The following LEPROTL1 variants were observed in gnomAD, a reference collection of about 807,000 sequenced individuals.
LEPROTL1 encodes leptin receptor overlapping transcript-like 1.
Under a neutral mutation model 15.4 loss-of-function variants are expected in LEPROTL1, and 6 were observed. That is an observed-to-expected ratio of 0.39 (90% CI 0.21 to 0.77). The LOEUF (loss-of-function observed/expected upper bound fraction) is 0.77. Ranked by LOEUF, LEPROTL1 falls within the 30% of genes least tolerant of loss-of-function variation. LEPROTL1 has a pLI of 0.41. For missense variants in LEPROTL1, 128 were observed against 158.1 expected (o/e 0.81, Z 1.02); for synonymous variants, 56 against 52.6 (o/e 1.06, Z -0.28).
At chr8:30,132,625 C>T in intron 4 of LEPROTL1, 8 of 1,551,796 alleles carry the variant, frequency 5.2e-6, no homozygotes, top group Non-Finnish European at 7.0e-6. Flanking sequence ...AATCTGCAGA[C>T]CCCTCCAGCT....
At chr8:30,125,405 T>C (rs1186422041) in intron 3 of LEPROTL1, among the ~76,000 whole-genome samples, 3 of 152,188 alleles carry the variant, frequency 2.0e-5, no homozygotes, top group African/African-American at 7.2e-5. Context: ...CACAAAAATA[T>C]CACTTTGTTC....
chr8:30,102,116 C>T, intron 2 of LEPROTL1, 143 bp downstream of exon 2: 1 of 559,574 alleles, frequency 1.8e-6, no homozygotes, highest in Non-Finnish European at 3.1e-6. Flanking sequence ...AAAATCACCA[C>T]TTAAAGTTTG....
At chr8:30,112,401 A>ATTTTTTT (rs10684450), downstream of LEPROTL1, among the ~76,000 whole-genome samples, 3,437 of 27,812 alleles carry the variant, frequency 0.12, 717 homozygotes, top group Non-Finnish European at 0.17. Context: ...TGCCCAGCTA[A>ATTTTTTT]TTTTTTTTTT....
chr8:30,130,589 C>A (rs2117527923), intron 3 of LEPROTL1, among the ~76,000 whole-genome samples: 1 of 152,126 alleles, frequency 6.6e-6, no homozygotes, highest in South Asian at 2.1e-4. Context: ...TCAAACCCAC[C>A]CTCAAAGTCA....
chr8:30,127,112 G>A (rs1802915878), intron 3 of LEPROTL1, among the ~76,000 whole-genome samples: 2 of 152,096 alleles, frequency 1.3e-5, no homozygotes, highest in Non-Finnish European at 2.9e-5. Flanking sequence ...CCTAGGTGAT[G>A]ATGCCATTTC....
intron 3 of LEPROTL1, among the ~76,000 whole-genome samples, chr8:30,116,546 T>C (rs935806681): frequency 1.3e-5 from 2 of 152,004 alleles, no homozygotes; most frequent in Non-Finnish European, 2.9e-5. Context: ...GGAGCTCAGG[T>C]AGTAATGCTC....
At chr8:30,113,733 G>A (rs921765328) in intron 3 of LEPROTL1, among the ~76,000 whole-genome samples, 47 of 152,238 alleles carry the variant, frequency 3.1e-4, no homozygotes, top group African/African-American at 9.9e-4. Flanking sequence ...GTTTTCATCC[G>A]TAATGCTGGG....
intron 3 of LEPROTL1, chr8:30,117,887 A>G: frequency 3.7e-6 from 2 of 542,592 alleles, no homozygotes; most frequent in East Asian, 2.9e-5. Context: ...CTGTGACTGT[A>G]TTAGGTGGTT....
chr8:30,133,291 C>G lies in LEPROTL1; in HGVS notation c.394+802C>G, dbSNP rs556112834. ...ACCCCAAACTTTTAAGAATAGTTAC[C>G]TCTAGGGAATGAAATTAGCGTAAAA... is the stretch of plus-strand genomic sequence containing the variant. On this transcript the variant is annotated intron_variant, in intron 4 of 4. Coordinates refer to the LEPROTL1 transcript ENST00000442880. Among the ~76,000 whole-genome samples the G allele has an allele frequency of 3.3e-5, 5 of 152,216 alleles. 1 individual carries two copies. In the South Asian group the frequency reaches 1.0e-3, roughly 32 times the overall value.
exon 5 of LEPROTL1, chr8:30,137,437 C>T (rs1803173182): frequency 6.4e-7 from 1 of 1,551,736 alleles, no homozygotes; most frequent in Non-Finnish European, 8.7e-7. Flanking sequence ...TGCTGAGTCA[C>T]TTCTGGGCAG....
At chr8:30,117,822 G>A (rs1585472951) in intron 3 of LEPROTL1, 1 of 653,124 alleles carries the variant, frequency 1.5e-6, no homozygotes, top group East Asian at 2.5e-5. Context: ...GTGAGACCCT[G>A]TTTCTATAAA....
downstream of LEPROTL1, among the ~76,000 whole-genome samples, chr8:30,109,203 GT>G (rs1288427465): frequency 1.7e-4 from 26 of 152,328 alleles, no homozygotes; most frequent in African/African-American, 5.1e-4. Flanking sequence ...CAACGTTATT[GT>G]TAAGTGGTAT....
intron 3 of LEPROTL1, chr8:30,117,532 G>A: frequency 7.6e-7 from 1 of 1,314,784 alleles, no homozygotes; most frequent in Non-Finnish European, 1.1e-6. Flanking sequence ...TCTTTGAGTT[G>A]CACATCAAAT....
chr8:30,118,240 C>T (rs1261585536), intron 3 of LEPROTL1, among the ~76,000 whole-genome samples: 2 of 151,968 alleles, frequency 1.3e-5, no homozygotes, highest in African/African-American at 4.8e-5. Flanking sequence ...GTCTCGAATT[C>T]CTGACCTCAA....
At chr8:30,101,855 TATTTA>T (rs750481985) in intron 1 of LEPROTL1, 38 bp from the exon 2 acceptor site, 9 of 1,177,906 alleles carry the variant, frequency 7.6e-6, no homozygotes, top group Non-Finnish European at 1.0e-5. Flanking sequence ...ATAAAAATAA[TATTTA>T]ATTTATATTC....
At position 30,106,599 on chromosome 8, in the gene LEPROTL1, A is replaced by G. The variant is rs1802572802; in HGVS notation, c.*737A>G. ...GTAAGGGTGTAAAAACATTTTTGAG[A>G]TAAGGTTTTTATTTATGTTTATTAT... On this transcript the variant is annotated 3_prime_UTR_variant, in exon 4 of 4. Coordinates refer to ENST00000321250, the MANE Select transcript of LEPROTL1 (RefSeq NM_015344.3). 2.0e-6 allele frequency: 2 copies of G among 983,800 alleles called. No individual in the cohort carries two copies. The highest frequency in any genetic ancestry group is 2.4e-6 in the Non-Finnish European group (2 of 828,096). 60.9% of individuals were successfully genotyped at this position (983,800 alleles called of 1,614,324 possible).
intron 2 of LEPROTL1, among the ~76,000 whole-genome samples, chr8:30,103,417 A>T (rs887613653): frequency 6.6e-6 from 1 of 152,160 alleles, no homozygotes; most frequent in Admixed American, 6.5e-5. Flanking sequence ...TCTTAAGCAT[A>T]TATTCAATTT....
chr8:30,106,596 G>T lies in LEPROTL1; in HGVS notation c.*734G>T. 1 of 983,370 alleles carries T rather than the reference G, an allele frequency of 1.0e-6. No homozygotes were observed. The highest frequency in any genetic ancestry group is 1.2e-6 in the Non-Finnish European group (1 of 827,738). The allele number at this position is 983,370 out of a possible 1,614,324, so 60.9% of individuals were successfully genotyped here. A position where few individuals can be genotyped will look rare whatever the true frequency, so the allele number is the denominator to read the frequency against. Reference sequence around the variant, plus strand: ...AAGGTAAGGGTGTAAAAACATTTTTGAGATAAGGTTTTTATTTATGTTTAT... The same window carrying T: ...AAGGTAAGGGTGTAAAAACATTTTTTAGATAAGGTTTTTATTTATGTTTAT... On this transcript the variant is annotated 3_prime_UTR_variant, in exon 4 of 4. Transcript: ENST00000321250.
downstream of LEPROTL1, among the ~76,000 whole-genome samples, chr8:30,111,906 A>G (rs983406200): frequency 1.3e-5 from 2 of 152,160 alleles, no homozygotes; most frequent in East Asian, 3.8e-4. Context: ...TTCTGACACG[A>G]TGATCTCTGG....
Sources: allele counts gnomAD v4.1 joint callset (sites outside exome capture counted in the v4.1 genomes callset), GRCh38; gene constraint gnomAD v4.1.1; transcripts MANE v1.5; gene names NCBI Gene and HGNC (gene_info 2026-07-23, HGNC 2026-07-21).